PDE11A: variants seen among roughly 807,000 people sequenced by gnomAD.
The protein encoded by PDE11A is dual 3',5'-cyclic-AMP and -GMP phosphodiesterase 11A.
In PDE11A, 100 loss-of-function variants were observed where a neutral mutation model predicts 100.5. The ratio of observed to expected loss-of-function variants is 1.00; its 90% CI spans 0.85 to 1.18. The LOEUF (loss-of-function observed/expected upper bound fraction) is 1.18, where lower values mean the gene tolerates loss of function less well. PDE11A is among the 50% of genes most tolerant of loss of function. The probability of loss-of-function intolerance (pLI) is 0.00; values close to 1 mark genes in which losing one functional copy is unlikely to be tolerated. For synonymous variants in PDE11A, 381 were observed against 420.8 expected (o/e 0.91, Z 1.16); for missense variants, 1,141 against 1,152.6 (o/e 0.99, Z 0.15).
intron 10 of PDE11A, among the ~76,000 whole-genome samples, chr2:177,739,609 G>C (rs1225355336): frequency 6.6e-6 from 1 of 152,166 alleles, no homozygotes; most frequent in Non-Finnish European, 1.5e-5. Flanking sequence ...TTCCCATCCT[G>C]TGCATCAAAA....
intron 2 of PDE11A, among the ~76,000 whole-genome samples, chr2:177,945,818 G>A (rs1399078057): frequency 9.4e-6 from 1 of 106,296 alleles, no homozygotes; most frequent in Non-Finnish European, 2.2e-5. Flanking sequence ...TGCCATCCGG[G>A]AGGGAGGTGG....
At chr2:177,996,980 G>T (rs1490277598) in intron 2 of PDE11A, among the ~76,000 whole-genome samples, 3 of 152,154 alleles carry the variant, frequency 2.0e-5, no homozygotes, top group Non-Finnish European at 4.4e-5. Flanking sequence ...ACTCAATATT[G>T]CAGACGAAGC....
At chr2:177,758,027 T>A (rs61334857) in intron 10 of PDE11A, among the ~76,000 whole-genome samples, 1 of 151,778 alleles carries the variant, frequency 6.6e-6, no homozygotes, top group Non-Finnish European at 1.5e-5. Context: ...GGTGGCTCAC[T>A]CCTGTAATCC....
chr2:177,827,067 G>A (rs756444765), intron 6 of PDE11A, among the ~76,000 whole-genome samples: 1 of 152,176 alleles, frequency 6.6e-6, no homozygotes, highest in Non-Finnish European at 1.5e-5. Flanking sequence ...TGGGGGTGCG[G>A]GAGTGCTCCA....
At chr2:177,845,171 ACC>A (rs1165004625) in intron 5 of PDE11A, among the ~76,000 whole-genome samples, 1 of 128,744 alleles carries the variant, frequency 7.8e-6, no homozygotes. Context: ...CGGGGGGCTG[ACC>A]CCCCCCACCT....
At chr2:177,632,621 T>TTA (rs2079969357) in intron 19 of PDE11A, among the ~76,000 whole-genome samples, 2 of 152,334 alleles carry the variant, frequency 1.3e-5, no homozygotes, top group South Asian at 2.1e-4. Context: ...TTTCCAAGTC[T>TTA]TACTTCCTTG....
At chr2:177,769,418 T>A in intron 9 of PDE11A, 45 bp from the exon 10 acceptor site, 2 of 1,115,206 alleles carry the variant, frequency 1.8e-6, no homozygotes, top group Non-Finnish European at 2.7e-6. Flanking sequence ...TAGACATGAC[T>A]GTATTTTCTG....
At chr2:177,881,337 A>G (rs992289474) in intron 4 of PDE11A, among the ~76,000 whole-genome samples, 11 of 136,446 alleles carry the variant, frequency 8.1e-5, no homozygotes, top group East Asian at 4.4e-4. Flanking sequence ...TCTATCATCT[A>G]TCTGTCTATC....
chr2:178,022,257 G>A (rs1210302898), intron 1 of PDE11A, among the ~76,000 whole-genome samples: 1 of 152,178 alleles, frequency 6.6e-6, no homozygotes, highest in African/African-American at 2.4e-5. Context: ...AATTTGGAAG[G>A]CTGTGAAAGT....
chr2:177,760,151 G>A (rs1574114020), intron 10 of PDE11A, among the ~76,000 whole-genome samples: 1 of 152,116 alleles, frequency 6.6e-6, no homozygotes, highest in African/African-American at 2.4e-5. Context: ...ATCCTTAGTT[G>A]CCTTCTACAT....
At chr2:177,791,185 C>T (rs1186564502) in intron 9 of PDE11A, among the ~76,000 whole-genome samples, 2 of 151,972 alleles carry the variant, frequency 1.3e-5, no homozygotes, top group Non-Finnish European at 2.9e-5. Context: ...GGCACATATA[C>T]ACCATGAAAT....
At chr2:177,777,419 A>G (rs532756585) in intron 9 of PDE11A, among the ~76,000 whole-genome samples, 5 of 152,340 alleles carry the variant, frequency 3.3e-5, no homozygotes, top group African/African-American at 1.2e-4. Flanking sequence ...ACTGTTTTAT[A>G]TACATAAATA....
chr2:177,865,226 C>T (rs746830988), intron 5 of PDE11A, among the ~76,000 whole-genome samples: 25 of 152,090 alleles, frequency 1.6e-4, no homozygotes, highest in African/African-American at 2.9e-4. Context: ...TGCCGTGAGC[C>T]GAGACTGTGC....
chr2:177,647,684 C>T (rs759705712), intron 19 of PDE11A, among the ~76,000 whole-genome samples: 27 of 152,190 alleles, frequency 1.8e-4, no homozygotes, highest in Non-Finnish European at 3.8e-4. Flanking sequence ...TGTCCCGGAT[C>T]TACAGAGGAC....
chr2:178,090,566 C>T (rs1044109497), intron 2 of PDE11A, among the ~76,000 whole-genome samples: 1 of 152,076 alleles, frequency 6.6e-6, no homozygotes, highest in Admixed American at 6.5e-5. Context: ...CTTCCCCCTG[C>T]AATATGGCTT....
intron 9 of PDE11A, among the ~76,000 whole-genome samples, chr2:177,769,717 T>A (rs1376228631): frequency 6.6e-6 from 1 of 151,792 alleles, no homozygotes; most frequent in Non-Finnish European, 1.5e-5. Context: ...CGAAACCTTG[T>A]CTCTACAAAA....
intron 5 of PDE11A, among the ~76,000 whole-genome samples, chr2:177,845,831 C>T (rs987746022): frequency 6.6e-6 from 1 of 152,234 alleles, no homozygotes; most frequent in Admixed American, 6.5e-5. Context: ...GGGCTGGAGA[C>T]CGGCCTGGCC....
chr2:177,845,193 A>C, intron 5 of PDE11A, among the ~76,000 whole-genome samples: 1 of 147,526 alleles, frequency 6.8e-6, no homozygotes, highest in Non-Finnish European at 1.5e-5. Context: ...TCCCTCCCGG[A>C]CGGGGTGGCT....
At chr2:177,809,963 C>G (rs1184901694) in intron 9 of PDE11A, among the ~76,000 whole-genome samples, 1 of 152,198 alleles carries the variant, frequency 6.6e-6, no homozygotes, top group African/African-American at 2.4e-5. Flanking sequence ...ATCACTGCTT[C>G]CACTTCTCTC....
Sources: allele counts gnomAD v4.1 joint callset (sites outside exome capture counted in the v4.1 genomes callset), GRCh38; gene constraint gnomAD v4.1.1; transcripts MANE v1.5; gene names NCBI Gene and HGNC (gene_info 2026-07-23, HGNC 2026-07-21).